The following LCK variants were observed in gnomAD, a reference collection of about 807,000 sequenced individuals.
The protein encoded by LCK is LCK proto-oncogene, Src family tyrosine kinase.
LCK carries 14 observed loss-of-function variants against 64.6 expected under a neutral mutation model. The ratio of observed to expected loss-of-function variants is 0.22; its 90% CI spans 0.14 to 0.34. The LOEUF (loss-of-function observed/expected upper bound fraction) is 0.34, where lower values mean the gene tolerates loss of function less well. Ranked by LOEUF, LCK falls within the 10% of genes least tolerant of loss-of-function variation. LCK has a pLI of 1.00. For synonymous variants in LCK, 277 were observed against 263.6 expected (o/e 1.05, Z -0.49); for missense variants, 434 against 668.1 (o/e 0.65, Z 3.86).
At chr1:32,257,468 T>G (rs1639658857) in intron 1 of LCK, among the ~76,000 whole-genome samples, 1 of 151,980 alleles carries the variant, frequency 6.6e-6, no homozygotes. Context: ...CCCAGGCTGG[T>G]CTCAAACTCC....
rs774700171 is a variant in LCK, at chr1:32,285,746, C to G, written c.*30C>G. On this transcript the variant is annotated 3_prime_UTR_variant, in exon 13 of 13. Transcript: ENST00000336890. ...CCTTGAGAGGCCCTGGGGTTCTCCC[C>G]CTTTCTCTCCAGCCTGACTTGGGGA... 1.3e-5 allele frequency: 20 copies of G among 1,556,342 alleles called. No homozygotes were observed. In the South Asian group the frequency reaches 1.9e-4, roughly 15 times the overall value.
chr1:32,259,739 G>T (rs1020376214), intron 1 of LCK, among the ~76,000 whole-genome samples: 1 of 152,024 alleles, frequency 6.6e-6, no homozygotes, highest in Non-Finnish European at 1.5e-5. Flanking sequence ...GAGCCCGGGA[G>T]GTCGAGGCTT....
At chr1:32,272,118 T>C (rs896135210) in intron 1 of LCK, among the ~76,000 whole-genome samples, 11 of 151,526 alleles carry the variant, frequency 7.3e-5, no homozygotes, top group Admixed American at 4.0e-4. Context: ...ACCCTGTCTC[T>C]ACTAAAAATA....
chr1:32,259,673 G>A (rs1639720167), intron 1 of LCK, among the ~76,000 whole-genome samples: 1 of 151,766 alleles, frequency 6.6e-6, no homozygotes, highest in Non-Finnish European at 1.5e-5. Context: ...AGCCAGGCGT[G>A]GTGGCACATG....
At position 32,283,500 on chromosome 1, in the gene LCK, A is replaced by G. The variant is rs930664128; in HGVS notation, c.1328-2014A>G. On this transcript the variant is annotated intron_variant, in intron 12 of 12. Coordinates refer to ENST00000336890, the MANE Select transcript of LCK (RefSeq NM_005356.5). ...CAGAAGACTGAAGGAGAAACCAGACACTACATGAGCAATTTAGAAATAGGG... is the reference window on the plus strand; with the variant it reads ...CAGAAGACTGAAGGAGAAACCAGACGCTACATGAGCAATTTAGAAATAGGG... 2.0e-5 allele frequency among the ~76,000 whole-genome samples: 3 copies of G among 152,156 alleles called. 1 individual carries two copies. The highest frequency in any genetic ancestry group is 1.3e-4 in the Admixed American group (2 of 15,258).
intron 9 of LCK, 143 bp from the exon 10 acceptor site, chr1:32,279,528 C>T (rs1640384349): frequency 6.5e-7 from 1 of 1,534,070 alleles, no homozygotes; most frequent in Non-Finnish European, 8.9e-7. Context: ...CATCCTTACC[C>T]TGAACACACA....
intron 1 of LCK, among the ~76,000 whole-genome samples, chr1:32,265,978 G>GTGTTGCTC (rs1438491348): frequency 2.0e-5 from 3 of 152,128 alleles, no homozygotes; most frequent in African/African-American, 7.2e-5. Context: ...TTGAGACAGG[G>GTGTTGCTC]TGTTGCTCTC....
intron 9 of LCK, among the ~76,000 whole-genome samples, chr1:32,278,345 T>C (rs559831904): frequency 4.7e-4 from 71 of 152,216 alleles, no homozygotes; most frequent in Admixed American, 2.6e-3. Flanking sequence ...TTATGTCATG[T>C]GTATCTTTTT....
At chr1:32,267,539 T>G (rs1355808636) in intron 1 of LCK, among the ~76,000 whole-genome samples, 1 of 152,004 alleles carries the variant, frequency 6.6e-6, no homozygotes, top group Non-Finnish European at 1.5e-5. Flanking sequence ...GGAGGGCAGA[T>G]CACCTGAAGT....
Position 32,275,671 on chromosome 1 carries a change from G to T in LCK, c.480G>T (p.Ala160=). ...TCATCCGGGAGAGCGAGAGCACCGC[G>T]GGTGAGCGGGCGGCGGTCTCGACCG... ...SFLIRESEST[A]GSFSLSVRDF... Residue 160 remains alanine (A), a splice_region_variant and synonymous_variant, in exon 6 of 13, where the codon GCG becomes GCT. Coordinates refer to ENST00000336890, the MANE Select transcript of LCK (RefSeq NM_005356.5). This position sits in a 1 kb window ranked among gnomAD's most constrained non-coding sequence, Gnocchi z 6.9. 3 of 1,559,798 alleles carry T rather than the reference G, an allele frequency of 1.9e-6. No homozygotes were observed. The highest frequency in any genetic ancestry group is 1.4e-5 in the African/African-American group (1 of 73,818).
chr1:32,279,036 C>T (rs780484066), intron 9 of LCK, among the ~76,000 whole-genome samples: 9 of 152,238 alleles, frequency 5.9e-5, no homozygotes, highest in South Asian at 2.1e-4. Flanking sequence ...TTCTTACTCT[C>T]GGCTGGGCAC....
intron 1 of LCK, among the ~76,000 whole-genome samples, chr1:32,255,286 G>C (rs1639602854): frequency 6.6e-6 from 1 of 152,106 alleles, no homozygotes; most frequent in Non-Finnish European, 1.5e-5. Context: ...CTGTAAAATG[G>C]GGATAATAAT....
rs4012161 is a variant in LCK, at chr1:32,251,894, A to AAGAGAGAGAGAGAGAGAG, written c.-6+549_-6+566dup. Among the ~76,000 whole-genome samples, 2 of 132,232 alleles carry AAGAGAGAGAGAGAGAGAG rather than the reference A, an allele frequency of 1.5e-5. No homozygotes were observed. The highest frequency in any genetic ancestry group is 5.7e-5 in the African/African-American group (2 of 35,128). 86.7% of individuals were successfully genotyped at this position (132,232 alleles called of 152,430 possible). ...CCCCAGTGACAAGAATCTCCTGAGA[A>AAGAGAGAGAGAGAGAGAG]AGAGAGAGAGAGAGAGAGAGAGAGA... On this transcript the variant is annotated intron_variant, in intron 1 of 12. Coordinates refer to ENST00000336890, the MANE Select transcript of LCK (RefSeq NM_005356.5). This position sits in a 1 kb window ranked among gnomAD's most constrained non-coding sequence, Gnocchi z 4.0.
chr1:32,254,714 G>C (rs991364823), intron 1 of LCK, among the ~76,000 whole-genome samples: 1 of 151,308 alleles, frequency 6.6e-6, no homozygotes, highest in African/African-American at 2.4e-5. Context: ...GTTTCTCCAT[G>C]TTGGTCAGGC....
At position 32,275,117 on chromosome 1, in the gene LCK, C is replaced by T. The variant is rs1454346344; in HGVS notation, c.278+34C>T. On this transcript the variant is annotated intron_variant, in intron 4 of 12. Coordinates refer to ENST00000336890, the MANE Select transcript of LCK (RefSeq NM_005356.5). The surrounding 1 kb of genome is among the most constrained non-coding windows in gnomAD (Gnocchi z 6.9). ...CTCTCCACCTTGCTCTGGCGGAGTC[C>T]GTGAGGGAGCGGCGATCTCCGCGAC... is the stretch of plus-strand genomic sequence containing the variant. 6.4e-6 allele frequency: 10 copies of T among 1,572,126 alleles called. No homozygotes were observed. The highest frequency in any genetic ancestry group is 1.7e-5 in the Admixed American group (1 of 58,668).
Position 32,270,764 on chromosome 1 carries a change from C to A in LCK, c.-5-3561C>A, listed in dbSNP as rs559161234. ...CTGTTGCCAGGCTGGAGTGCAATGG[C>A]GCAATTCCGGCTCACTGCAACCTCT... is the stretch of plus-strand genomic sequence containing the variant. On this transcript the variant is annotated intron_variant, in intron 1 of 12. Transcript: ENST00000336890. Among the ~76,000 whole-genome samples the A allele has an allele frequency of 1.5e-5, 2 of 130,220 alleles. 1 individual carries two copies. Among genetic ancestry groups the A allele is most frequent in the South Asian group, 5.0e-4 (2 of 4,004 alleles). The allele number at this position is 130,220 out of a possible 152,430, so 85.4% of individuals were successfully genotyped here.
At chr1:32,255,440 C>T (rs1026039816) in intron 1 of LCK, among the ~76,000 whole-genome samples, 2 of 152,156 alleles carry the variant, frequency 1.3e-5, no homozygotes, top group Admixed American at 6.6e-5. Context: ...ACTTGCTTGC[C>T]ATGGTGTATG....
intron 1 of LCK, among the ~76,000 whole-genome samples, chr1:32,270,418 G>C (rs565145366): frequency 7.9e-4 from 117 of 148,494 alleles, no homozygotes; most frequent in African/African-American, 2.8e-3. Flanking sequence ...CTTTTGAGAT[G>C]GAGTCTCGCT....
At chr1:32,274,885 C>T (rs1311077194) in intron 3 of LCK, 67 bp downstream of exon 3, 4 of 1,613,652 alleles carry the variant, frequency 2.5e-6, no homozygotes, top group Non-Finnish European at 2.5e-6. Flanking sequence ...TTCCACCTCT[C>T]CCCCACCTAC....
Sources: allele counts gnomAD v4.1 joint callset (sites outside exome capture counted in the v4.1 genomes callset), GRCh38; gene constraint gnomAD v4.1.1; non-coding constraint Gnocchi (gnomAD v3.1); transcripts MANE v1.5; gene names NCBI Gene and HGNC (gene_info 2026-07-23, HGNC 2026-07-21).